Variants in TNN observed in about 807,000 individuals in gnomAD.
TNN encodes tenascin N.
Under a neutral mutation model 134.4 loss-of-function variants are expected in TNN, and 122 were observed. The ratio of observed to expected loss-of-function variants is 0.91; its 90% confidence interval spans 0.78 to 1.06. The LOEUF is 1.06. Ranked by LOEUF, TNN falls within the 50% of genes least tolerant of loss-of-function variation. The pLI is 0.00. For synonymous variants in TNN, 710 were observed against 670.3 expected, an observed-to-expected ratio of 1.06 and a Z score of -0.91; for missense variants, 1,739 against 1,699.4, an observed-to-expected ratio of 1.02 and a Z score of -0.41.
chr1:175,143,437 T>C (rs1434457425), intron 17 of TNN, among the ~76,000 whole-genome samples: 2 of 152,170 alleles, frequency 1.3e-5, no homozygotes, highest in Non-Finnish European at 2.9e-5. Flanking sequence ...TAAAGCAGTT[T>C]TCCAGATGGG....
Position 175,118,824 on chromosome 1 carries a change from G to A in TNN, c.2650G>A (p.Glu884Lys). 3 of 1,614,034 alleles carry A rather than the reference G, an allele frequency of 1.9e-6. No individual in the cohort carries two copies. The highest frequency in any genetic ancestry group is 2.5e-6 in the Non-Finnish European group (3 of 1,179,972). ...GAAGGCTGACACCAAGGCCCAGACA[G>A]GTAATAGAAGTGAAGAGAAGAGCAA... ...SKKADTKAQT[E>K]IDGPKNLVTD... Residue 884 changes from glutamate (E) to lysine (K), a missense_variant and splice_region_variant, in exon 11 of 19, where the codon GAA (glutamate) becomes AAA (lysine). Coordinates refer to ENST00000239462, the MANE Select transcript of TNN (RefSeq NM_022093.2).
In TNN at chr1:175,080,277, A is replaced by G; in HGVS notation, c.899A>G (p.Lys300Arg). 2 of 1,614,092 alleles carry G rather than the reference A, an allele frequency of 1.2e-6. No homozygotes were observed. Among genetic ancestry groups the G allele is most frequent in the Non-Finnish European group, 1.7e-6 (2 of 1,179,998 alleles). The change falls in exon 4 of 19, where the codon AAG (lysine) becomes AGG (arginine). Residue 300 changes from lysine (K) to arginine (R), a missense_variant. Transcript: ENST00000239462. ...CTCCTCAGCTACTACCCCCTGGGGA[A>G]GGAGCTCTCTGGGAAGCAGATCCAA... is the stretch of plus-strand genomic sequence containing the variant. Reference protein sequence around the residue: ...HYLLSYYPLGKELSGKQIQVP... With the variant: ...HYLLSYYPLGRELSGKQIQVP...
intron 1 of TNN, among the ~76,000 whole-genome samples, 161 bp from the exon 2 acceptor site, chr1:175,077,223 G>A (rs1674061308): frequency 6.6e-6 from 1 of 152,188 alleles, no homozygotes; most frequent in Admixed American, 6.5e-5. Flanking sequence ...AATCTGTGAG[G>A]CAGGAACAGA....
intron 9 of TNN, among the ~76,000 whole-genome samples, chr1:175,106,695 G>A (rs1484395160): frequency 6.8e-6 from 1 of 146,236 alleles, no homozygotes; most frequent in African/African-American, 2.5e-5. Context: ...TGGGCGACAT[G>A]CTTTTGAGAG....
chr1:175,132,161 T>C (rs1291526635), intron 15 of TNN, among the ~76,000 whole-genome samples: 2 of 151,964 alleles, frequency 1.3e-5, no homozygotes, highest in Non-Finnish European at 2.9e-5. Context: ...ACAACAAGAG[T>C]CCCAAGGAAG....
At chr1:175,131,182 G>T (rs867981454) in intron 15 of TNN, among the ~76,000 whole-genome samples, 4 of 152,204 alleles carry the variant, frequency 2.6e-5, no homozygotes, top group Admixed American at 2.6e-4. Context: ...TAGGCCAGAA[G>T]AACTGTGCCC....
chr1:175,095,390 T>C (rs1424171538), intron 7 of TNN, among the ~76,000 whole-genome samples: 1 of 152,206 alleles, frequency 6.6e-6, no homozygotes, highest in Non-Finnish European at 1.5e-5. Context: ...GACAATGATG[T>C]GTAAATGGAC....
rs1238991975 is a variant in TNN at position 175,123,613 on chromosome 1, C to G, written c.2864C>G (p.Ala955Gly). Residue 955 changes from alanine to glycine, a missense_variant, in exon 12 of 19, where the codon GCC becomes GGC. Transcript: ENST00000239462. ...ATGGAGTACATGGTGCACGTGTGGG[C>G]CCAGAAGGGGGCCCAGGAGAGCAAG... is the stretch of plus-strand genomic sequence containing the variant. ...PGMEYMVHVW[A>G]QKGAQESKKA... is the part of the protein sequence containing the mutation. 6.2e-7 allele frequency: 1 copy of G among 1,614,134 alleles called. No individual in the cohort carries two copies. Among genetic ancestry groups the G allele is most frequent in the East Asian group, 2.2e-5 (1 of 44,880 alleles).
At chr1:175,139,694 T>C (rs1180957750) in intron 17 of TNN, among the ~76,000 whole-genome samples, 1 of 152,210 alleles carries the variant, frequency 6.6e-6, no homozygotes, top group Non-Finnish European at 1.5e-5. Flanking sequence ...AGTAACATAA[T>C]TATTTATTAT....
At chr1:175,115,517 TG>T (rs1200136203) in intron 9 of TNN, among the ~76,000 whole-genome samples, 2 of 151,794 alleles carry the variant, frequency 1.3e-5, no homozygotes, top group African/African-American at 4.8e-5. Context: ...CTTGGCCCCA[TG>T]GGGAAAGGTG....
chr1:175,068,033 A>C, intron 1 of TNN, 98 bp downstream of exon 1: 8 of 434,258 alleles, frequency 1.8e-5, no homozygotes, highest in South Asian at 1.3e-4. Flanking sequence ...TCCGTTCCCG[A>C]GCCTGAAAAT....
chr1:175,133,205 T>G (rs896499555), intron 15 of TNN, among the ~76,000 whole-genome samples: 4 of 152,178 alleles, frequency 2.6e-5, no homozygotes, highest in Admixed American at 2.6e-4. Flanking sequence ...TGTGGGTACT[T>G]TTCAGATTTA....
At chr1:175,084,050 CT>C in intron 5 of TNN, 115 bp downstream of exon 5, 1 of 1,073,350 alleles carries the variant, frequency 9.3e-7, no homozygotes, top group Non-Finnish European at 1.3e-6. Flanking sequence ...GCCCAGGGGC[CT>C]TAGGAATCAC....
At position 175,116,951 on chromosome 1, in the gene TNN, C is replaced by G. The variant is rs1453601541; in HGVS notation, c.2132C>G (p.Pro711Arg). ...DTKAQTDIDSPQNLVTDRVTE... is the reference protein window; with the variant it reads ...DTKAQTDIDSRQNLVTDRVTE... ...TTTTTTTTTTCAGACATTGACAGCC[C>G]CCAAAACCTGGTGACCGACCGGGTG... The change falls in exon 10 of 19, where the codon CCC (proline) becomes CGC (arginine). Residue 711 changes from proline to arginine, a missense_variant. Transcript: ENST00000239462. The G allele has an allele frequency of 6.2e-7, 1 of 1,614,198 alleles. No individual in the cohort carries two copies. Among genetic ancestry groups the G allele is most frequent in the Admixed American group, 1.7e-5 (1 of 60,028 alleles).
intron 15 of TNN, among the ~76,000 whole-genome samples, chr1:175,129,315 T>C (rs1675618356): frequency 6.6e-6 from 1 of 152,136 alleles, no homozygotes; most frequent in Non-Finnish European, 1.5e-5. Flanking sequence ...TCTGTTCCCT[T>C]AACCATAAAC....
intron 10 of TNN, among the ~76,000 whole-genome samples, 178 bp downstream of exon 10, chr1:175,117,383 C>A (rs1258500982): frequency 6.6e-6 from 1 of 152,180 alleles, no homozygotes; most frequent in Non-Finnish European, 1.5e-5. Context: ...AGTTTCCTTG[C>A]AAGTCAGGGC....
At position 175,125,705 on chromosome 1, in the gene TNN, CTTTCTTTCTT is replaced by C. The variant is rs1311395897; in HGVS notation, c.2915-1248_2915-1239del. Among the ~76,000 whole-genome samples, 11 of 7,518 alleles carry C rather than the reference CTTTCTTTCTT, an allele frequency of 1.5e-3. No individual in the cohort carries two copies. The Admixed American group carries it at 0.016, about 11-fold the overall frequency. The allele number at this position is 7,518 out of a possible 152,430, so 4.9% of individuals were successfully genotyped here. ...TCCTTTCTTTCTCTCTTTTTTCTCTCTTTCTTTCTTTCTTTCTTTCTTTCTTTCTTTCTTT... is the reference window on the plus strand; with the variant it reads ...TCCTTTCTTTCTCTCTTTTTTCTCTCTCTTTCTTTCTTTCTTTCTTTCTTT... On this transcript the variant is annotated intron_variant, in intron 12 of 18. Transcript: ENST00000239462.
At chr1:175,091,419 G>T (rs1674441995) in intron 6 of TNN, among the ~76,000 whole-genome samples, 1 of 152,184 alleles carries the variant, frequency 6.6e-6, no homozygotes, top group African/African-American at 2.4e-5. Context: ...CCAAGATGCT[G>T]TTTCCTGGCT....
chr1:175,112,596 A>ATGTTTTTTTTTTTTTT (rs1244528758), intron 9 of TNN, among the ~76,000 whole-genome samples: 1 of 8,066 alleles, frequency 1.2e-4, no homozygotes, highest in South Asian at 4.7e-3. Flanking sequence ...CAGCCGGCCG[A>ATGTTTTTTTTTTTTTT]TCTTTTTTTT....
Sources: allele counts gnomAD v4.1 joint callset (sites outside exome capture counted in the v4.1 genomes callset), GRCh38; gene constraint gnomAD v4.1.1; transcripts MANE v1.5; gene names NCBI Gene and HGNC (gene_info 2026-07-23, HGNC 2026-07-21).